PCDH15: variants seen among roughly 807,000 people sequenced by gnomAD.
PCDH15 encodes the protein protocadherin related 15, also known as protocadherin-15.
A neutral mutation model predicts 178.5 loss-of-function variants in PCDH15; 129 were observed. The observed-to-expected ratio is 0.72, with a 90% CI of 0.63 to 0.84. PCDH15 has a LOEUF of 0.84. PCDH15 is among the 40% of genes least tolerant of loss of function. The pLI, the probability that PCDH15 is intolerant of heterozygous loss-of-function variation, is 0.00. For missense variants in PCDH15, 2,230 were observed against 2,099.9 expected (o/e 1.06, Z -1.21); for synonymous variants, 800 against 732.0 (o/e 1.09, Z -1.50).
intron 28 of PCDH15, among the ~76,000 whole-genome samples, chr10:53,845,956 A>G (rs1026202470): frequency 1.3e-5 from 2 of 151,654 alleles, no homozygotes; most frequent in African/African-American, 4.8e-5. Flanking sequence ...TTATATATAT[A>G]TGAATCCAAA....
intron 3 of PCDH15, among the ~76,000 whole-genome samples, chr10:54,443,592 G>T (rs538964221): frequency 6.6e-6 from 1 of 151,724 alleles, no homozygotes; most frequent in East Asian, 1.9e-4. Context: ...GAGGATCCAA[G>T]AATTAAACAT....
rs1184082994 is a variant in PCDH15 at position 54,752,511 on chromosome 10, AAC to A, written c.-29+48412_-29+48413del. Among the ~76,000 whole-genome samples the A allele has an allele frequency of 6.7e-3, 572 of 85,584 alleles. 59 individuals are homozygous for A. The highest frequency in any genetic ancestry group is 0.023 in the African/African-American group (452 of 19,836). 56.1% of individuals were successfully genotyped at this position (85,584 alleles called of 152,430 possible). Reference sequence around the variant, plus strand: ...AAAAAACAAAAAACAAAAAACAAAAAACAAACAAACAAACAAACAAAAAAAAA... The same window carrying A: ...AAAAAACAAAAAACAAAAAACAAAAAAAACAAACAAACAAACAAAAAAAAA... On this transcript the variant is annotated intron_variant, in intron 1 of 37. Transcript: ENST00000644397.
In PCDH15 at chr10:54,059,346, A is replaced by C. The variant is rs1189242750; in HGVS notation, c.2220+7411T>G. ...TGGGTCTACTGTTGGGAGTATGCAC[A>C]ATAACAGTAATACAATAATAATTAT... On this transcript the variant is annotated intron_variant, in intron 18 of 37. Coordinates refer to ENST00000644397, the MANE Select transcript of PCDH15 (RefSeq NM_001384140.1). Among the ~76,000 whole-genome samples the C allele has an allele frequency of 2.0e-5, 3 of 152,232 alleles. No individual in the cohort carries two copies. The East Asian group carries it at 5.8e-4, about 29-fold the overall frequency.
intron 2 of PCDH15, among the ~76,000 whole-genome samples, chr10:54,574,736 G>C (rs2133655870): frequency 6.6e-6 from 1 of 150,574 alleles, no homozygotes; most frequent in East Asian, 2.0e-4. Flanking sequence ...GTGGAAGTCA[G>C]TGTGGCGATT....
At chr10:55,192,730 T>G (rs111268744) in intron 1 of PCDH15, among the ~76,000 whole-genome samples, 6 of 131,642 alleles carry the variant, frequency 4.6e-5, no homozygotes, top group Admixed American at 7.5e-5. Flanking sequence ...AATCTCTCTC[T>G]CTCTCTCTCT....
intron 26 of PCDH15, among the ~76,000 whole-genome samples, chr10:53,874,625 A>T (rs1332255756): frequency 6.6e-6 from 1 of 151,994 alleles, no homozygotes; most frequent in African/African-American, 2.4e-5. Context: ...TTTTTCAAAA[A>T]CCCCTCCTGC....
chr10:54,546,930 T>G (rs903024808), intron 2 of PCDH15, among the ~76,000 whole-genome samples: 2 of 152,176 alleles, frequency 1.3e-5, no homozygotes, highest in African/African-American at 4.8e-5. Context: ...CTTCATCATA[T>G]TCATTTGGGC....
At chr10:54,572,472 C>A (rs1249250747) in intron 2 of PCDH15, among the ~76,000 whole-genome samples, 1 of 152,010 alleles carries the variant, frequency 6.6e-6, no homozygotes, top group African/African-American at 2.4e-5. Context: ...AAGAACTTTC[C>A]AAATGAACTA....
chr10:55,401,438 T>G (rs1413375985), intron 2 of PCDH15, among the ~76,000 whole-genome samples: 1 of 152,030 alleles, frequency 6.6e-6, no homozygotes, highest in Non-Finnish European at 1.5e-5. Context: ...TGACAGAATA[T>G]ATAGTGTTGT....
At chr10:54,811,230 C>G (rs961167622) in intron 3 of PCDH15, among the ~76,000 whole-genome samples, 1 of 151,912 alleles carries the variant, frequency 6.6e-6, no homozygotes, top group Non-Finnish European at 1.5e-5. Flanking sequence ...TTGCTTCTAA[C>G]AGCATGTTCA....
intron 1 of PCDH15, among the ~76,000 whole-genome samples, chr10:54,763,957 C>T (rs1855902): frequency 0.79 from 119,007 of 151,348 alleles, 46,878 homozygotes; most frequent in African/African-American, 0.82. Context: ...GCAAATATAA[C>T]GTATTAGATC....
intron 2 of PCDH15, among the ~76,000 whole-genome samples, chr10:54,632,096 G>A (rs2093717578): frequency 2.6e-5 from 4 of 152,098 alleles, no homozygotes; most frequent in Admixed American, 2.6e-4. Context: ...ATACTACACA[G>A]CCATAAAACA....
intron 2 of PCDH15, chr10:55,599,822 C>G (rs1292722842): frequency 1.3e-5 from 10 of 799,988 alleles, no homozygotes; most frequent in Non-Finnish European, 1.8e-5. Flanking sequence ...TGCTCAGTGA[C>G]ATATGTTTAA....
intron 2 of PCDH15, among the ~76,000 whole-genome samples, chr10:54,583,565 C>T (rs2091223495): frequency 6.6e-6 from 1 of 152,046 alleles, no homozygotes; most frequent in Non-Finnish European, 1.5e-5. Context: ...GGAAGGGATA[C>T]ACAGACCTGT....
At chr10:55,391,502 G>T (rs1048111620) in intron 2 of PCDH15, among the ~76,000 whole-genome samples, 4 of 151,650 alleles carry the variant, frequency 2.6e-5, no homozygotes, top group Non-Finnish European at 5.9e-5. Context: ...TTTGGGGGGT[G>T]GGGGGATGGA....
chr10:54,439,214 C>A (rs1403973854), intron 3 of PCDH15, among the ~76,000 whole-genome samples: 4 of 151,660 alleles, frequency 2.6e-5, no homozygotes, highest in Non-Finnish European at 4.4e-5. Context: ...AAGGATTCAG[C>A]AAAATGTTAG....
chr10:55,612,568 T>C (rs1185430384), intron 2 of PCDH15, among the ~76,000 whole-genome samples: 14 of 152,154 alleles, frequency 9.2e-5, no homozygotes, highest in Admixed American at 9.2e-4. Context: ...TGAAATTTTA[T>C]GGCAAACCTA....
intron 14 of PCDH15, among the ~76,000 whole-genome samples, chr10:54,149,662 T>C (rs1250197813): frequency 6.6e-6 from 1 of 152,192 alleles, no homozygotes; most frequent in Non-Finnish European, 1.5e-5. Flanking sequence ...TGATTTGCCT[T>C]TTACTCAGAG....
At chr10:55,552,790 T>A (rs939739891) in intron 2 of PCDH15, among the ~76,000 whole-genome samples, 3 of 151,458 alleles carry the variant, frequency 2.0e-5, no homozygotes, top group Admixed American at 6.6e-5. Context: ...ATTATAAATA[T>A]ATGTACTAAA....
Sources: gnomAD v4.1 joint callset for allele counts (sites outside exome capture counted in the v4.1 genomes callset) on GRCh38, gnomAD v4.1.1 for gene constraint, MANE v1.5 for transcripts, NCBI Gene and HGNC (gene_info 2026-07-23, HGNC 2026-07-21) for gene names.